The following OCIAD2 variants were observed in gnomAD, a reference collection of about 807,000 sequenced individuals.
OCIAD2 encodes OCIA domain-containing protein 2.
Under a neutral mutation model 22.9 loss-of-function variants are expected in OCIAD2, and 29 were observed. That is an observed-to-expected ratio of 1.27 (90% CI 0.94 to 1.73). OCIAD2 has a LOEUF of 1.73. OCIAD2 is among the 40% of genes most tolerant of loss of function. The pLI is 0.00. For missense variants in OCIAD2, 189 were observed against 180.3 expected (o/e 1.05, Z -0.28); for synonymous variants, 67 against 60.2 (o/e 1.11, Z -0.52).
intron 6 of OCIAD2, among the ~76,000 whole-genome samples, chr4:48,889,491 C>A (rs566335575): frequency 1.2e-4 from 19 of 152,256 alleles, no homozygotes; most frequent in African/African-American, 4.1e-4. Flanking sequence ...ATGCAGCCAA[C>A]AGACACATGA....
Position 48,892,637 on chromosome 4 carries a change from A to T in OCIAD2, c.383+135T>A, listed in dbSNP as rs73815398. The T allele has an allele frequency of 1.8e-5, 9 of 506,690 alleles. No individual in the cohort carries two copies. In the African/African-American group the frequency reaches 1.8e-4, roughly 10 times the overall value. 31.4% of individuals were successfully genotyped at this position (506,690 alleles called of 1,614,324 possible). ...TTATTATTGAAGTTGGGTAACAACA[A>T]CGCTAAACTTGAGGGTTAAAACTTT... On this transcript the variant is annotated intron_variant, in intron 6 of 6. Coordinates refer to ENST00000508632, the MANE Select transcript of OCIAD2 (RefSeq NM_001014446.3).
chr4:48,898,883 C>G (rs1158012654), intron 3 of OCIAD2, among the ~76,000 whole-genome samples: 1 of 152,106 alleles, frequency 6.6e-6, no homozygotes, highest in East Asian at 1.9e-4. Flanking sequence ...TCTAGTTCAA[C>G]AAAGACAAAT....
At chr4:48,905,379 A>T (rs10938546) in intron 1 of OCIAD2, among the ~76,000 whole-genome samples, 131,652 of 150,976 alleles carry the variant, frequency 0.87, 57,640 homozygotes, top group East Asian at 0.97. Context: ...AGTACTGGAG[A>T]ATATGAACAC....
chr4:48,891,662 G>T (rs1387391798), intron 6 of OCIAD2, among the ~76,000 whole-genome samples: 2 of 152,206 alleles, frequency 1.3e-5, no homozygotes, highest in African/African-American at 4.8e-5. Context: ...TCCTTTACTT[G>T]TGCTACTTTT....
chr4:48,890,207 T>A (rs1248023092), intron 6 of OCIAD2, among the ~76,000 whole-genome samples: 1 of 151,690 alleles, frequency 6.6e-6, no homozygotes. Flanking sequence ...CATACATATG[T>A]AACAAACCTG....
At chr4:48,894,788 T>C (rs1287560295) in intron 4 of OCIAD2, among the ~76,000 whole-genome samples, 2 of 152,160 alleles carry the variant, frequency 1.3e-5, no homozygotes, top group African/African-American at 2.4e-5. Flanking sequence ...AGATTCACAG[T>C]GTATATCATT....
intron 3 of OCIAD2, among the ~76,000 whole-genome samples, chr4:48,898,932 A>G (rs1305364534): frequency 5.3e-5 from 8 of 152,164 alleles, no homozygotes; most frequent in Non-Finnish European, 1.2e-4. Context: ...GCTACCCCAT[A>G]GTGGGCAAAT....
intron 4 of OCIAD2, among the ~76,000 whole-genome samples, chr4:48,895,929 G>A (rs926769415): frequency 6.6e-6 from 1 of 152,084 alleles, no homozygotes; most frequent in Non-Finnish European, 1.5e-5. Context: ...CTACTAGGGA[G>A]GCTGAGGCAG....
intron 5 of OCIAD2, chr4:48,893,333 T>TA (rs1180802682): frequency 6.6e-6 from 1 of 152,664 alleles, no homozygotes; most frequent in Admixed American, 6.5e-5. Flanking sequence ...GGGACCCTCC[T>TA]ATGGAAGAGA....
chr4:48,897,874 T>C lies in OCIAD2; in HGVS notation c.164-17A>G. On this transcript the variant is annotated splice_polypyrimidine_tract_variant and intron_variant, in intron 3 of 6. Coordinates refer to ENST00000508632, the MANE Select transcript of OCIAD2 (RefSeq NM_001014446.3). ...AAGGCAGAGCTGTAAAGCAAAAATGTCCTTCAATATTGGTATTTTAAAAAT... is the reference window on the plus strand; with the variant it reads ...AAGGCAGAGCTGTAAAGCAAAAATGCCCTTCAATATTGGTATTTTAAAAAT... 1 of 1,602,748 alleles carries C rather than the reference T, an allele frequency of 6.2e-7. No individual in the cohort carries two copies. The highest frequency in any genetic ancestry group is 1.1e-5 in the South Asian group (1 of 90,264).
chr4:48,899,497 T>TA (rs1007496513), intron 3 of OCIAD2, among the ~76,000 whole-genome samples: 8 of 152,170 alleles, frequency 5.3e-5, no homozygotes, highest in African/African-American at 1.7e-4. Flanking sequence ...CTATGAAACT[T>TA]AGAGTCTGGT....
chr4:48,895,109 T>C (rs1781274328), intron 4 of OCIAD2, among the ~76,000 whole-genome samples: 1 of 152,128 alleles, frequency 6.6e-6, no homozygotes. Flanking sequence ...ATATGCATGG[T>C]TCTAGAAACG....
chr4:48,897,908 C>T (rs1781335979), intron 3 of OCIAD2, 51 bp from the exon 4 acceptor site: 1 of 1,315,344 alleles, frequency 7.6e-7, no homozygotes. Context: ...ATTGGCACCT[C>T]ACCTAGAAGT....
At chr4:48,904,922 G>C (rs1053859075) in intron 1 of OCIAD2, among the ~76,000 whole-genome samples, 1 of 152,166 alleles carries the variant, frequency 6.6e-6, no homozygotes, top group Admixed American at 6.5e-5. Flanking sequence ...CAGTCCAAAA[G>C]GGGAGATAGA....
At chr4:48,889,210 C>A (rs1781088258) in intron 6 of OCIAD2, among the ~76,000 whole-genome samples, 1 of 152,126 alleles carries the variant, frequency 6.6e-6, no homozygotes, top group East Asian at 1.9e-4. Flanking sequence ...TTTATTGCAT[C>A]TATTTGATTA....
chr4:48,904,789 A>G (rs1273354587), intron 1 of OCIAD2, among the ~76,000 whole-genome samples, 178 bp from the exon 2 acceptor site: 1 of 152,090 alleles, frequency 6.6e-6, no homozygotes, highest in Non-Finnish European at 1.5e-5. Context: ...TGCACTCACT[A>G]ATGGGGACAG....
chr4:48,902,361 C>T (rs1781435107), intron 2 of OCIAD2, among the ~76,000 whole-genome samples: 1 of 152,128 alleles, frequency 6.6e-6, no homozygotes, highest in African/African-American at 2.4e-5. Context: ...TGCATGATGT[C>T]AATAAAAGGG....
chr4:48,897,050 T>C (rs1781317384), intron 4 of OCIAD2: 2 of 152,474 alleles, frequency 1.3e-5, no homozygotes, highest in African/African-American at 4.8e-5. Flanking sequence ...ATGCAGCCTC[T>C]TGCCAAAAGA....
intron 6 of OCIAD2, among the ~76,000 whole-genome samples, chr4:48,888,879 T>C (rs1781076303): frequency 6.6e-6 from 1 of 152,242 alleles, no homozygotes; most frequent in Admixed American, 6.5e-5. Flanking sequence ...ATTCCCTCTT[T>C]TTCTATTGAT....
Sources: gnomAD v4.1 joint callset for allele counts (sites outside exome capture counted in the v4.1 genomes callset) on GRCh38, gnomAD v4.1.1 for gene constraint, MANE v1.5 for transcripts, NCBI Gene and HGNC (gene_info 2026-07-23, HGNC 2026-07-21) for gene names.